Variants in DLGAP2 observed in about 807,000 individuals in gnomAD.
DLGAP2 encodes disks large-associated protein 2.
DLGAP2 carries 26 observed loss-of-function variants against 100.3 expected under a neutral mutation model. The ratio of observed to expected loss-of-function variants is 0.26; its 90% CI spans 0.19 to 0.36. The LOEUF is 0.36. Among genes scored for constraint, DLGAP2 ranks in the 10% least tolerant of loss-of-function variants. The pLI, the probability that DLGAP2 is intolerant of heterozygous loss-of-function variation, is 1.00. For synonymous variants in DLGAP2, 886 were observed against 630.1 expected, an observed-to-expected ratio of 1.41 and a Z score of -6.08; for missense variants, 1,858 against 1,453.2, an observed-to-expected ratio of 1.28 and a Z score of -4.53.
intron 3 of DLGAP2, among the ~76,000 whole-genome samples, chr8:1,466,013 G>T (rs1357082433): frequency 3.9e-5 from 6 of 152,218 alleles, no homozygotes; most frequent in Non-Finnish European, 8.8e-5. Context: ...GGCCGTGGGA[G>T]TCATGAGGCG....
chr8:809,168 G>A (rs1225996019), intron 1 of DLGAP2, among the ~76,000 whole-genome samples: 1 of 152,120 alleles, frequency 6.6e-6, no homozygotes, highest in South Asian at 2.1e-4. Context: ...GCCTCCCAAA[G>A]TGCTGGAATT....
At chr8:996,950 T>C (rs376149257) in intron 2 of DLGAP2, among the ~76,000 whole-genome samples, 2 of 152,236 alleles carry the variant, frequency 1.3e-5, no homozygotes, top group Admixed American at 1.3e-4. Context: ...GAACCCTTCA[T>C]AGACCAGGAA....
intron 3 of DLGAP2, among the ~76,000 whole-genome samples, chr8:1,298,638 G>A (rs568029902): frequency 1.1e-4 from 17 of 152,248 alleles, no homozygotes; most frequent in African/African-American, 2.4e-4. Flanking sequence ...GGCGCTGAGC[G>A]TGTGGGACGG....
chr8:1,162,141 A>C (rs1160176407), intron 2 of DLGAP2, among the ~76,000 whole-genome samples: 1 of 152,236 alleles, frequency 6.6e-6, no homozygotes, highest in Non-Finnish European at 1.5e-5. Context: ...CTACGGAGGC[A>C]GGAAGCCCTC....
intron 2 of DLGAP2, among the ~76,000 whole-genome samples, chr8:1,179,901 A>C (rs1231682567): frequency 1.3e-5 from 2 of 152,248 alleles, no homozygotes; most frequent in Non-Finnish European, 2.9e-5. Context: ...TTATGTGAAA[A>C]CAAAATAACG....
chr8:751,343 G>A (rs1325343702), intron 1 of DLGAP2, among the ~76,000 whole-genome samples: 1 of 150,514 alleles, frequency 6.6e-6, no homozygotes. Context: ...CTGGATCTCC[G>A]GCCATCCTCT....
intron 3 of DLGAP2, among the ~76,000 whole-genome samples, chr8:1,286,816 G>A (rs752476440): frequency 6.6e-6 from 1 of 152,238 alleles, no homozygotes; most frequent in Non-Finnish European, 1.5e-5. Context: ...CCTGTGGAAG[G>A]ATTAGAGTTG....
intron 3 of DLGAP2, among the ~76,000 whole-genome samples, chr8:1,282,718 C>T (rs1314421388): frequency 2.2e-5 from 3 of 138,748 alleles, no homozygotes; most frequent in African/African-American, 5.2e-5. Flanking sequence ...GACCTGAACC[C>T]AGCGCCCTGA....
At chr8:1,478,221 A>C (rs1468414) in intron 3 of DLGAP2, among the ~76,000 whole-genome samples, 489 of 152,080 alleles carry the variant, frequency 3.2e-3, no homozygotes, top group Middle Eastern at 6.8e-3. Context: ...CTCCTCCTTC[A>C]GACTGGGACA....
intron 4 of DLGAP2, among the ~76,000 whole-genome samples, chr8:1,508,317 C>T (rs1391167888): frequency 1.7e-5 from 1 of 59,780 alleles, no homozygotes; most frequent in Non-Finnish European, 3.4e-5. Flanking sequence ...ACGCCCACCA[C>T]CCCCCACCCC....
At position 1,701,457 on chromosome 8, in the gene DLGAP2, G is replaced by T. The variant is rs1456133356; in HGVS notation, c.*51G>T. Reference sequence around the variant, plus strand: ...GTCGCTTCCGCTTTCCCGGACGCTTGTGCAGCGCGGCGCCGCCCTGGTGGT... The same window carrying T: ...GTCGCTTCCGCTTTCCCGGACGCTTTTGCAGCGCGGCGCCGCCCTGGTGGT... On this transcript the variant is annotated 3_prime_UTR_variant, in exon 15 of 15. Coordinates refer to ENST00000637795, the MANE Select transcript of DLGAP2 (RefSeq NM_001346810.2). 2 of 1,521,752 alleles carry T rather than the reference G, an allele frequency of 1.3e-6. No homozygotes were observed. Among genetic ancestry groups the T allele is most frequent in the East Asian group, 4.9e-5 (2 of 40,806 alleles). The allele number at this position is 1,521,752 out of a possible 1,614,324, so 94.3% of individuals were successfully genotyped here.
At chr8:1,624,545 C>G (rs1316359038) in intron 6 of DLGAP2, among the ~76,000 whole-genome samples, 1 of 151,732 alleles carries the variant, frequency 6.6e-6, no homozygotes, top group Non-Finnish European at 1.5e-5. Flanking sequence ...GTGACCGTGT[C>G]TCAGGATGCT....
intron 1 of DLGAP2, among the ~76,000 whole-genome samples, chr8:846,289 C>T (rs1797070313): frequency 6.6e-6 from 1 of 152,164 alleles, no homozygotes; most frequent in South Asian, 2.1e-4. Flanking sequence ...GCCATCTCCT[C>T]CTCCCACACT....
At chr8:989,593 A>C (rs376527617) in intron 2 of DLGAP2, among the ~76,000 whole-genome samples, 1 of 152,292 alleles carries the variant, frequency 6.6e-6, no homozygotes, top group South Asian at 2.1e-4. Context: ...CCCTGGGGTC[A>C]GGCTCTTAAC....
At chr8:1,214,633 T>C (rs1042818404) in intron 2 of DLGAP2, among the ~76,000 whole-genome samples, 3 of 152,232 alleles carry the variant, frequency 2.0e-5, no homozygotes, top group Non-Finnish European at 2.9e-5. Flanking sequence ...GCTTCTTCCC[T>C]ATTGTCTGTT....
chr8:853,404 C>T (rs548761333), intron 1 of DLGAP2, among the ~76,000 whole-genome samples: 13 of 152,356 alleles, frequency 8.5e-5, no homozygotes, highest in African/African-American at 2.6e-4. Context: ...GTGCTGGGGT[C>T]TGCTCAGATA....
At chr8:1,489,347 G>A (rs1450778975) in intron 3 of DLGAP2, among the ~76,000 whole-genome samples, 1 of 152,228 alleles carries the variant, frequency 6.6e-6, no homozygotes, top group Non-Finnish European at 1.5e-5. Context: ...GACTGGCGGA[G>A]TGGATGAGCG....
chr8:1,060,167 C>T (rs573418215), intron 2 of DLGAP2, among the ~76,000 whole-genome samples: 1 of 152,260 alleles, frequency 6.6e-6, no homozygotes, highest in Admixed American at 6.5e-5. Context: ...TGGCTGCATC[C>T]GTTTCCCGTG....
intron 2 of DLGAP2, among the ~76,000 whole-genome samples, chr8:1,098,202 C>A (rs752401387): frequency 6.6e-6 from 1 of 152,226 alleles, no homozygotes. Context: ...GCGTCCTCTG[C>A]GTATGCGTCA....
Sources: allele counts gnomAD v4.1 joint callset (sites outside exome capture counted in the v4.1 genomes callset), GRCh38; gene constraint gnomAD v4.1.1; transcripts MANE v1.5; gene names NCBI Gene and HGNC (gene_info 2026-07-23, HGNC 2026-07-21).